TDG: variants seen among roughly 807,000 people sequenced by gnomAD.
The protein encoded by TDG is thymine DNA glycosylase, also known as G/T mismatch-specific thymine DNA glycosylase.
In TDG, 23 loss-of-function variants were observed where a neutral mutation model predicts 46.1. The ratio of observed to expected loss-of-function variants is 0.50; its 90% CI spans 0.36 to 0.71. The LOEUF (loss-of-function observed/expected upper bound fraction) is 0.71, where lower values mean the gene tolerates loss of function less well. Among genes scored for constraint, TDG ranks in the 30% least tolerant of loss-of-function variants. The pLI, the probability that TDG is intolerant of heterozygous loss-of-function variation, is 0.00. For missense variants in TDG, 304 were observed against 486.7 expected (o/e 0.62, Z 3.53); for synonymous variants, 115 against 161.3 (o/e 0.71, Z 2.18).
At chr12:103,980,869 A>G (rs1460452614) in intron 3 of TDG, 24 bp from the exon 4 acceptor site, 4 of 1,608,238 alleles carry the variant, frequency 2.5e-6, no homozygotes, top group Non-Finnish European at 3.4e-6. Context: ...TTAAGATGAA[A>G]TGTCTAATTG....
At chr12:103,975,772 C>T (rs1871508383) in intron 1 of TDG, among the ~76,000 whole-genome samples, 1 of 152,128 alleles carries the variant, frequency 6.6e-6, no homozygotes, top group Admixed American at 6.5e-5. Context: ...AACAGTTCTC[C>T]TGCCTCAGCC....
chr12:103,983,081 A>G, intron 5 of TDG, 55 bp from the exon 6 acceptor site: 1 of 1,547,042 alleles, frequency 6.5e-7, no homozygotes, highest in Non-Finnish European at 8.7e-7. Context: ...TGAATTTAGC[A>G]TATTATAAAT....
chr12:103,982,114 T>C (rs1024429923), intron 4 of TDG, among the ~76,000 whole-genome samples: 2 of 152,240 alleles, frequency 1.3e-5, no homozygotes, highest in African/African-American at 2.4e-5. Context: ...TATTTTATAC[T>C]GCCTAATAGA....
At chr12:103,969,251 C>T (rs1451072400) in intron 1 of TDG, among the ~76,000 whole-genome samples, 2 of 152,196 alleles carry the variant, frequency 1.3e-5, no homozygotes, top group Admixed American at 1.3e-4. Context: ...AACTTGCCCA[C>T]AGAGCTAGTA....
chr12:103,986,980 T>A lies in TDG; in HGVS notation c.1123T>A (p.Phe375Ile). 1 of 1,614,260 alleles carries A rather than the reference T, an allele frequency of 6.2e-7. No homozygotes were observed. Among genetic ancestry groups the A allele is most frequent in the Non-Finnish European group, 8.5e-7 (1 of 1,180,048 alleles). ...CGTGGAGTTAAGAGGAGAATCAGCT[T>A]TCAGTGGCATTCCTAATGGGCAGTG... ...ESVELRGESAFSGIPNGQWMT... is the reference protein window; with the variant it reads ...ESVELRGESAISGIPNGQWMT... The change falls in exon 10 of 10, where the codon TTC becomes ATC. Residue 375 changes from phenylalanine to isoleucine, a missense_variant. Coordinates refer to ENST00000392872, the MANE Select transcript of TDG (RefSeq NM_003211.6).
At chr12:103,984,998 T>C (rs1593518840) in intron 8 of TDG, 78 bp downstream of exon 8, 47 of 1,124,356 alleles carry the variant, frequency 4.2e-5, no homozygotes, top group East Asian at 6.4e-5. Flanking sequence ...TATATACACA[T>C]ATACATATAT....
intron 1 of TDG, among the ~76,000 whole-genome samples, chr12:103,969,090 C>T (rs189502440): frequency 6.6e-6 from 1 of 152,328 alleles, no homozygotes. Context: ...GCAGGAGGTA[C>T]CTACAGTAGT....
Position 103,982,833 on chromosome 12 carries a change from C to T in TDG, c.513C>T (p.Val171=). The T allele has an allele frequency of 6.2e-7, 1 of 1,613,578 alleles. No individual in the cohort carries two copies. Among genetic ancestry groups the T allele is most frequent in the Non-Finnish European group, 8.5e-7 (1 of 1,179,976 alleles). ...KCLFMSGLSE[V]QLNHMDDHTL... ...TGTTTATGTCAGGGCTCAGTGAGGT[C>T]CAGCTGAACCATATGGATGATCACA... Residue 171 remains valine (V), a synonymous_variant, in exon 5 of 10, where the codon GTC becomes GTT. Coordinates refer to ENST00000392872, the MANE Select transcript of TDG (RefSeq NM_003211.6).
intron 2 of TDG, among the ~76,000 whole-genome samples, chr12:103,978,072 CAAA>C (rs1871625688): frequency 1.6e-5 from 2 of 123,240 alleles, no homozygotes; most frequent in East Asian, 5.4e-4. Context: ...AAAACAAAAA[CAAA>C]AACAAAAACA....
At chr12:103,983,096 T>A in intron 5 of TDG, 40 bp from the exon 6 acceptor site, 1 of 1,538,692 alleles carries the variant, frequency 6.5e-7, no homozygotes, top group Non-Finnish European at 8.8e-7. Context: ...ATAAATATTG[T>A]CATATTTATA....
chr12:103,985,477 T>C, intron 8 of TDG, 126 bp from the exon 9 acceptor site: 1 of 1,122,740 alleles, frequency 8.9e-7, no homozygotes, highest in Non-Finnish European at 1.2e-6. Context: ...GTTTAAAAGA[T>C]TAATAGAGAT....
At chr12:103,974,422 A>G (rs1029173740) in intron 1 of TDG, among the ~76,000 whole-genome samples, 1 of 152,026 alleles carries the variant, frequency 6.6e-6, no homozygotes. Flanking sequence ...GGCTGTCAGC[A>G]TGTACCACCA....
At chr12:103,986,628 C>G in intron 9 of TDG, 1 of 206,668 alleles carries the variant, frequency 4.8e-6, no homozygotes, top group Non-Finnish European at 1.0e-5. Context: ...ATATGCCTCT[C>G]CTCGATCCCG....
intron 7 of TDG, 67 bp downstream of exon 7, chr12:103,983,456 T>A: frequency 8.3e-7 from 1 of 1,207,954 alleles, no homozygotes. Context: ...ATTTCCTTAT[T>A]TGTCCTATCC....
chr12:103,969,158 C>G (rs559702425), intron 1 of TDG, among the ~76,000 whole-genome samples: 2 of 152,274 alleles, frequency 1.3e-5, no homozygotes, highest in Admixed American at 1.3e-4. Flanking sequence ...TTACATAGGC[C>G]AACTAGCTTA....
At chr12:103,972,368 C>T (rs1871326909) in intron 1 of TDG, among the ~76,000 whole-genome samples, 2 of 152,194 alleles carry the variant, frequency 1.3e-5, no homozygotes, top group Non-Finnish European at 2.9e-5. Context: ...CCAACCCCCT[C>T]GGCCTCCCAA....
At chr12:103,981,554 A>G (rs1871835558) in intron 4 of TDG, among the ~76,000 whole-genome samples, 1 of 152,104 alleles carries the variant, frequency 6.6e-6, no homozygotes, top group African/African-American at 2.4e-5. Context: ...TACTTTTTAA[A>G]AATGATTTTT....
At chr12:103,972,874 C>A in intron 1 of TDG, 1 of 573,382 alleles carries the variant, frequency 1.7e-6, no homozygotes, top group Non-Finnish European at 3.1e-6. Context: ...TGACCTCCGA[C>A]TATACTAAAA....
At chr12:103,976,642 T>C (rs1315484551) in intron 1 of TDG, among the ~76,000 whole-genome samples, 1 of 152,130 alleles carries the variant, frequency 6.6e-6, no homozygotes, top group East Asian at 1.9e-4. Context: ...TCAGAGAAAG[T>C]ATGGGCTGAC....
Sources: gnomAD v4.1 joint callset for allele counts (sites outside exome capture counted in the v4.1 genomes callset) on GRCh38, gnomAD v4.1.1 for gene constraint, MANE v1.5 for transcripts, NCBI Gene and HGNC (gene_info 2026-07-23, HGNC 2026-07-21) for gene names.